Variants in PRCP observed in about 807,000 individuals in gnomAD.
PRCP encodes the protein prolylcarboxypeptidase.
Under a neutral mutation model 54.2 loss-of-function variants are expected in PRCP, and 46 were observed. The observed-to-expected ratio is 0.85, with a 90% confidence interval of 0.67 to 1.09. The LOEUF is 1.09. Among genes scored for constraint, PRCP ranks in the 50% least tolerant of loss-of-function variants. The pLI is 0.00. For missense variants in PRCP, 613 were observed against 596.8 expected (o/e 1.03, Z -0.28); for synonymous variants, 240 against 212.2 (o/e 1.13, Z -1.14).
intron 1 of PRCP, among the ~76,000 whole-genome samples, chr11:82,862,715 A>G (rs1253860110): frequency 6.6e-6 from 1 of 152,222 alleles, no homozygotes; most frequent in African/African-American, 2.4e-5. Context: ...ATTCTAATCT[A>G]AAGACTGTCT....
At chr11:82,828,133 T>C (rs1206100058) in intron 8 of PRCP, 4 of 152,182 alleles carry the variant, frequency 2.6e-5, no homozygotes, top group Non-Finnish European at 4.4e-5. Context: ...AATTCTTTTA[T>C]AAAAGAGAAA....
intron 1 of PRCP, among the ~76,000 whole-genome samples, chr11:82,875,452 C>T (rs1374972256): frequency 6.6e-6 from 1 of 152,130 alleles, no homozygotes; most frequent in African/African-American, 2.4e-5. Context: ...GTGAACAGAT[C>T]CTACAATTAC....
rs546328158 is a variant in PRCP, at chr11:82,890,756, T to C, written c.168+9479A>G. Among the ~76,000 whole-genome samples, 7 of 152,362 alleles carry C rather than the reference T, an allele frequency of 4.6e-5. No individual in the cohort carries two copies. The South Asian group carries it at 1.5e-3, about 32-fold the overall frequency. The stretch of plus-strand genomic sequence containing the variant: ...GAGGAAATTGCTGTCAAGGTCACCA[T>C]AACCTCCACATTGCTAAATCAAGTG... On this transcript the variant is annotated intron_variant, in intron 1 of 8. Transcript: ENST00000313010.
chr11:82,882,221 GA>G (rs1473359626), intron 1 of PRCP, among the ~76,000 whole-genome samples: 1 of 151,544 alleles, frequency 6.6e-6, no homozygotes, highest in Admixed American at 6.6e-5. Context: ...GAGATGTATT[GA>G]AAAAAAACGT....
intron 1 of PRCP, among the ~76,000 whole-genome samples, chr11:82,896,654 G>C (rs1860125677): frequency 7.1e-6 from 1 of 140,134 alleles, no homozygotes; most frequent in African/African-American, 2.7e-5. Flanking sequence ...ACCCCAGCCT[G>C]GGCAACAGAG....
intron 1 of PRCP, among the ~76,000 whole-genome samples, chr11:82,896,916 C>T (rs1055838759): frequency 2.0e-5 from 3 of 152,070 alleles, no homozygotes; most frequent in African/African-American, 7.2e-5. Flanking sequence ...ATATTGCTCC[C>T]AATTTTACCA....
intron 3 of PRCP, 130 bp from the exon 4 acceptor site, chr11:82,850,635 A>C: frequency 3.3e-6 from 2 of 608,388 alleles, no homozygotes; most frequent in Non-Finnish European, 4.9e-6. Flanking sequence ...CAATTGAGCT[A>C]AAATGCCTAG....
At chr11:82,843,227 T>G (rs561420821) in intron 6 of PRCP, 5 of 152,144 alleles carry the variant, frequency 3.3e-5, no homozygotes, top group Admixed American at 3.3e-4. Context: ...GAGGATTGCT[T>G]CAGTCAGGAG....
chr11:82,877,378 C>T (rs1024462170), intron 1 of PRCP, among the ~76,000 whole-genome samples: 4 of 152,092 alleles, frequency 2.6e-5, no homozygotes, highest in African/African-American at 9.7e-5. Context: ...ATCCCCAAGA[C>T]CATGGGGAAA....
At chr11:82,897,690 T>G (rs1860149007) in intron 1 of PRCP, among the ~76,000 whole-genome samples, 1 of 152,184 alleles carries the variant, frequency 6.6e-6, no homozygotes, top group African/African-American at 2.4e-5. Flanking sequence ...GAATATAAAG[T>G]TGGAACGACC....
At chr11:82,884,961 C>A (rs1859832210) in intron 1 of PRCP, 3 of 1,567,428 alleles carry the variant, frequency 1.9e-6, no homozygotes, top group Non-Finnish European at 2.6e-6. Context: ...CCAGCTCAAA[C>A]AATATATGCC....
chr11:82,883,876 C>A (rs1475360189), intron 1 of PRCP, among the ~76,000 whole-genome samples: 1 of 152,138 alleles, frequency 6.6e-6, no homozygotes, highest in African/African-American at 2.4e-5. Context: ...AGGCAAACCA[C>A]AGCCTGTTTT....
intron 1 of PRCP, among the ~76,000 whole-genome samples, chr11:82,873,069 T>TTG (rs1859516030): frequency 1.3e-5 from 2 of 150,842 alleles, no homozygotes; most frequent in African/African-American, 4.9e-5. Flanking sequence ...CTGATCTGTT[T>TTG]TTTTTTTTTT....
At chr11:82,875,838 G>A (rs533273224) in intron 1 of PRCP, among the ~76,000 whole-genome samples, 52 of 152,212 alleles carry the variant, frequency 3.4e-4, no homozygotes, top group African/African-American at 1.2e-3. Flanking sequence ...GTCTGTCCTG[G>A]CACCCTGCTC....
intron 8 of PRCP, among the ~76,000 whole-genome samples, chr11:82,837,792 T>TG (rs1169920186): frequency 6.6e-6 from 1 of 152,202 alleles, no homozygotes; most frequent in Non-Finnish European, 1.5e-5. Flanking sequence ...TAAGGAACAG[T>TG]GTAATGTAGA....
rs750530096 is a variant in PRCP, at chr11:82,824,893, A to C, written c.*13T>G. ...GAACATAAAAGAAGAAATTGAAAAC[A>C]ATCAAAAGTTTCTCAGTGCTGCTTT... On this transcript the variant is annotated 3_prime_UTR_variant, in exon 9 of 9. Transcript: ENST00000313010. 5.0e-6 allele frequency: 8 copies of C among 1,608,120 alleles called. No individual in the cohort carries two copies. In the East Asian group the frequency reaches 8.9e-5, roughly 18 times the overall value.
At chr11:82,847,608 T>C (rs973513020) in intron 6 of PRCP, among the ~76,000 whole-genome samples, 1 of 152,308 alleles carries the variant, frequency 6.6e-6, no homozygotes, top group East Asian at 1.9e-4. Flanking sequence ...TTTTCTTTTC[T>C]TTACTTTTCT....
At chr11:82,830,507 A>G (rs545454336) in intron 8 of PRCP, 10 of 151,912 alleles carry the variant, frequency 6.6e-5, no homozygotes, top group Admixed American at 4.6e-4. Context: ...GCATGCATGT[A>G]GTCCCAGCTA....
intron 1 of PRCP, among the ~76,000 whole-genome samples, chr11:82,867,690 A>T (rs935068335): frequency 6.6e-6 from 1 of 152,306 alleles, no homozygotes; most frequent in South Asian, 2.1e-4. Context: ...GCGCCCTTAT[A>T]TAAGTAGTAA....
Sources: allele counts gnomAD v4.1 joint callset (sites outside exome capture counted in the v4.1 genomes callset), GRCh38; gene constraint gnomAD v4.1.1; transcripts MANE v1.5; gene names NCBI Gene and HGNC (gene_info 2026-07-23, HGNC 2026-07-21).